Variants in FAM13A observed in about 807,000 individuals in gnomAD.
The protein encoded by FAM13A is family with sequence similarity 13 member A, also known as protein FAM13A.
Under a neutral mutation model 129.6 loss-of-function variants are expected in FAM13A, and 76 were observed. The observed-to-expected ratio is 0.59, with a 90% CI of 0.49 to 0.71. The LOEUF is 0.71. Ranked by LOEUF, FAM13A falls within the 30% of genes least tolerant of loss-of-function variation. The probability of loss-of-function intolerance (pLI) is 0.00; values close to 1 mark genes in which losing one functional copy is unlikely to be tolerated. For missense variants in FAM13A, 1,108 were observed against 1,249.3 expected (o/e 0.89, Z 1.70); for synonymous variants, 443 against 449.9 (o/e 0.98, Z 0.20).
In FAM13A at chr4:88,728,507, C is replaced by T. The variant is rs747540136; in HGVS notation, c.*26G>A. The T allele has an allele frequency of 1.3e-5, 21 of 1,613,436 alleles. No homozygotes were observed. The Admixed American group carries it at 2.7e-4, about 20-fold the overall frequency. ...GACAGTAAACTCTCACCGCAGCTGC[C>T]AGCCCCCTGTGCTTGGCCATGCCCC... On this transcript the variant is annotated 3_prime_UTR_variant, in exon 24 of 24. Transcript: ENST00000264344.
intron 14 of FAM13A, among the ~76,000 whole-genome samples, chr4:88,755,908 G>C (rs764826514): frequency 6.6e-6 from 1 of 152,238 alleles, no homozygotes; most frequent in Non-Finnish European, 1.5e-5. Flanking sequence ...TTCAGCCGGA[G>C]TCCCTTAAGT....
chr4:88,987,120 C>T (rs1032636621), intron 4 of FAM13A, among the ~76,000 whole-genome samples: 2 of 152,106 alleles, frequency 1.3e-5, no homozygotes, highest in Non-Finnish European at 2.9e-5. Flanking sequence ...AAAGGGACTC[C>T]CACAACTGCC....
chr4:88,941,275 T>C (rs1470415583), intron 4 of FAM13A, among the ~76,000 whole-genome samples: 2 of 152,230 alleles, frequency 1.3e-5, no homozygotes, highest in Non-Finnish European at 2.9e-5. Flanking sequence ...TTGGAATGAA[T>C]AGCGAAGTTT....
At chr4:88,877,743 G>C (rs1356820070) in intron 6 of FAM13A, among the ~76,000 whole-genome samples, 5 of 152,138 alleles carry the variant, frequency 3.3e-5, no homozygotes, top group African/African-American at 1.2e-4. Flanking sequence ...GCTCCCCATT[G>C]TTTTCTAATA....
rs1391137536 is a variant in FAM13A at position 88,726,357 on chromosome 4, T to G, written c.*2176A>C. Reference sequence around the variant, plus strand: ...GGAAAACACAACATCTCATACACAATTTATTTTATATAACTTACTTGGTGT... The same window carrying G: ...GGAAAACACAACATCTCATACACAAGTTATTTTATATAACTTACTTGGTGT... On this transcript the variant is annotated 3_prime_UTR_variant, in exon 24 of 24. Transcript: ENST00000264344. 2.7e-5 allele frequency: 4 copies of G among 146,930 alleles called. No individual in the cohort carries two copies. Among genetic ancestry groups the G allele is most frequent in the Non-Finnish European group, 4.4e-5 (3 of 67,468 alleles). 9.1% of individuals were successfully genotyped at this position (146,930 alleles called of 1,614,324 possible).
intron 6 of FAM13A, among the ~76,000 whole-genome samples, chr4:88,895,370 A>G (rs2150182740): frequency 6.6e-6 from 1 of 152,288 alleles, no homozygotes; most frequent in East Asian, 1.9e-4. Context: ...GGTAAAATTC[A>G]TGTCTAAAAC....
intron 4 of FAM13A, among the ~76,000 whole-genome samples, chr4:88,971,391 A>G (rs970932649): frequency 2.0e-5 from 3 of 152,206 alleles, no homozygotes; most frequent in African/African-American, 4.8e-5. Flanking sequence ...CAGTCTTCAT[A>G]GACTTTTAGG....
At chr4:88,992,710 A>C (rs544813536) in intron 3 of FAM13A, among the ~76,000 whole-genome samples, 1 of 152,222 alleles carries the variant, frequency 6.6e-6, no homozygotes, top group Non-Finnish European at 1.5e-5. Context: ...TTGTTTTGCC[A>C]ATACTTAAAT....
intron 5 of FAM13A, among the ~76,000 whole-genome samples, chr4:88,915,162 A>G (rs1749908505): frequency 6.6e-6 from 1 of 152,222 alleles, no homozygotes; most frequent in African/African-American, 2.4e-5. Flanking sequence ...CCAGGGTCCA[A>G]TACATATGAC....
intron 7 of FAM13A, among the ~76,000 whole-genome samples, chr4:88,835,104 C>T (rs781336060): frequency 6.6e-6 from 1 of 152,148 alleles, no homozygotes; most frequent in Non-Finnish European, 1.5e-5. Context: ...ATCTAAATTC[C>T]ACACATGCTC....
intron 6 of FAM13A, among the ~76,000 whole-genome samples, chr4:88,894,304 G>A (rs180746596): frequency 2.0e-5 from 3 of 152,058 alleles, no homozygotes; most frequent in Non-Finnish European, 4.4e-5. Context: ...GACAATCTAA[G>A]TATTGGGGAA....
chr4:88,738,239 A>G (rs1417841724), intron 20 of FAM13A, among the ~76,000 whole-genome samples: 1 of 152,260 alleles, frequency 6.6e-6, no homozygotes, highest in Non-Finnish European at 1.5e-5. Flanking sequence ...CAACGGCAAC[A>G]TCAAAGTGAG....
intron 4 of FAM13A, among the ~76,000 whole-genome samples, chr4:88,963,503 G>A (rs1442477822): frequency 6.6e-6 from 1 of 151,996 alleles, no homozygotes; most frequent in Non-Finnish European, 1.5e-5. Context: ...TCATCATGTA[G>A]GCCGGGATGG....
At chr4:88,898,417 C>T (rs1746707602) in intron 6 of FAM13A, among the ~76,000 whole-genome samples, 1 of 151,672 alleles carries the variant, frequency 6.6e-6, no homozygotes, top group South Asian at 2.1e-4. Context: ...AAAAAAGACA[C>T]AAAAAATTGT....
chr4:88,872,363 C>A (rs1741567877), intron 6 of FAM13A, among the ~76,000 whole-genome samples: 1 of 152,112 alleles, frequency 6.6e-6, no homozygotes, highest in African/African-American at 2.4e-5. Context: ...AGAGTCAAGA[C>A]CCATCAGTGT....
At chr4:88,845,264 C>T (rs1468948973) in intron 7 of FAM13A, among the ~76,000 whole-genome samples, 1 of 151,666 alleles carries the variant, frequency 6.6e-6, no homozygotes, top group Non-Finnish European at 1.5e-5. Context: ...AAACACAGAA[C>T]AAAGTTGAGA....
chr4:88,872,133 C>T (rs1414150565), intron 6 of FAM13A, among the ~76,000 whole-genome samples: 3 of 152,208 alleles, frequency 2.0e-5, no homozygotes, highest in Non-Finnish European at 4.4e-5. Context: ...CTTACAAGAG[C>T]TCCTGAAGGA....
chr4:89,022,014 G>T (rs1036555873), intron 2 of FAM13A, among the ~76,000 whole-genome samples: 1 of 152,178 alleles, frequency 6.6e-6, no homozygotes, highest in Non-Finnish European at 1.5e-5. Flanking sequence ...CTTTGAAAGT[G>T]TAAGAAACAA....
intron 7 of FAM13A, among the ~76,000 whole-genome samples, chr4:88,832,211 C>T (rs888437087): frequency 6.6e-6 from 1 of 152,150 alleles, no homozygotes; most frequent in Admixed American, 6.5e-5. Context: ...TGGACCCCTT[C>T]CTTATACCTT....
Sources: gnomAD v4.1 joint callset for allele counts (sites outside exome capture counted in the v4.1 genomes callset) on GRCh38, gnomAD v4.1.1 for gene constraint, MANE v1.5 for transcripts, NCBI Gene and HGNC (gene_info 2026-07-23, HGNC 2026-07-21) for gene names.